The following LBP variants were observed in gnomAD, a reference collection of about 807,000 sequenced individuals.
LBP encodes lipopolysaccharide-binding protein.
A neutral mutation model predicts 56.6 loss-of-function variants in LBP; 53 were observed. That is an observed-to-expected ratio of 0.94 (90% CI 0.75 to 1.18). The LOEUF (loss-of-function observed/expected upper bound fraction) is 1.18, where lower values mean the gene tolerates loss of function less well. LBP is among the 50% of genes most tolerant of loss of function. LBP has a pLI of 0.00. For missense variants in LBP, 601 were observed against 598.3 expected, an observed-to-expected ratio of 1.00 and a Z score of -0.05; for synonymous variants, 227 against 247.5, an observed-to-expected ratio of 0.92 and a Z score of 0.78.
chr20:38,346,819 G>A (rs1460972059), intron 1 of LBP, among the ~76,000 whole-genome samples, 179 bp downstream of exon 1: 1 of 152,190 alleles, frequency 6.6e-6, no homozygotes, highest in African/African-American at 2.4e-5. Flanking sequence ...GAGTGCCCTG[G>A]GCATGTTATT....
chr20:38,374,839 A>G (rs2076912622), intron 14 of LBP, among the ~76,000 whole-genome samples: 2 of 144,652 alleles, frequency 1.4e-5, no homozygotes, highest in Non-Finnish European at 3.0e-5. Context: ...GCTGGAGTGC[A>G]GTGGTGCGAT....
rs1170058556 is a variant in LBP, at chr20:38,365,696, CAAAAAA to C, written c.921+961_921+966del. Reference sequence around the variant, plus strand: ...TGGGCAACAGAGTGAGACTGCATCTCAAAAAAAAAAAAAAAAAAAAAATATATATAT... The same window carrying C: ...TGGGCAACAGAGTGAGACTGCATCTCAAAAAAAAAAAAAAAATATATATAT... On this transcript the variant is annotated intron_variant, in intron 8 of 14. Coordinates refer to ENST00000217407, the MANE Select transcript of LBP (RefSeq NM_004139.5). Among the ~76,000 whole-genome samples the C allele has an allele frequency of 6.0e-3, 620 of 103,658 alleles. 1 individual carries two copies. Among genetic ancestry groups the C allele is most frequent in the Non-Finnish European group, 8.6e-3 (454 of 52,582 alleles). The allele number at this position is 103,658 out of a possible 152,430, so 68.0% of individuals were successfully genotyped here. A position where few individuals can be genotyped will look rare whatever the true frequency, so the allele number is the denominator to read the frequency against.
intron 7 of LBP, 72 bp downstream of exon 7, chr20:38,364,138 C>T: frequency 9.9e-7 from 1 of 1,005,150 alleles, no homozygotes; most frequent in South Asian, 1.3e-5. Flanking sequence ...GGCCACCTGT[C>T]CCCCCAACTT....
At chr20:38,372,946 T>C in intron 12 of LBP, 126 bp from the exon 13 acceptor site, 1 of 780,996 alleles carries the variant, frequency 1.3e-6, no homozygotes, top group Admixed American at 2.4e-5. Context: ...AAGAGTTTTA[T>C]CTTATAAAAT....
Position 38,346,507 on chromosome 20 carries a change from G to T in LBP, c.-10G>T, listed in dbSNP as rs774144309. ...GGGACAGTCCTGGCCCACTGCACTG[G>T]GAATCTAGGATGGGGGCCTTGGCCA... On this transcript the variant is annotated 5_prime_UTR_variant, in exon 1 of 15. Transcript: ENST00000217407. 2 of 1,613,434 alleles carry T rather than the reference G, an allele frequency of 1.2e-6. No homozygotes were observed. The highest frequency in any genetic ancestry group is 1.7e-6 in the Non-Finnish European group (2 of 1,179,874).
intron 9 of LBP, among the ~76,000 whole-genome samples, chr20:38,368,047 A>AAAAG (rs559104819): frequency 0.015 from 2,322 of 152,100 alleles, 47 homozygotes; most frequent in African/African-American, 0.049. Flanking sequence ...GAAAAGTTAA[A>AAAAG]AAAGAAAGAA....
rs191571978 is a variant in LBP, at chr20:38,368,371, G to A, written c.982-624G>A. ...TCCCAGCACTTTGGGAGGCTGAGGCGGGCAGATCACCTGAGGTCAGGAGTT... is the reference window on the plus strand; with the variant it reads ...TCCCAGCACTTTGGGAGGCTGAGGCAGGCAGATCACCTGAGGTCAGGAGTT... On this transcript the variant is annotated intron_variant, in intron 9 of 14. Coordinates refer to ENST00000217407, the MANE Select transcript of LBP (RefSeq NM_004139.5). 1.9e-4 allele frequency among the ~76,000 whole-genome samples: 29 copies of A among 152,208 alleles called. 1 individual carries two copies. In the South Asian group the frequency reaches 5.0e-3, roughly 26 times the overall value.
intron 6 of LBP, 56 bp from the exon 7 acceptor site, chr20:38,363,919 C>G: frequency 7.7e-7 from 1 of 1,292,878 alleles, no homozygotes; most frequent in South Asian, 1.2e-5. Flanking sequence ...CTTGCCCCTC[C>G]TCCAGCAGCT....
At chr20:38,370,526 A>G (rs1206624249) in intron 10 of LBP, among the ~76,000 whole-genome samples, 1 of 152,174 alleles carries the variant, frequency 6.6e-6, no homozygotes, top group East Asian at 1.9e-4. Context: ...AACATAAACA[A>G]CAATTTCAAG....
intron 9 of LBP, among the ~76,000 whole-genome samples, chr20:38,368,239 T>G (rs1039473951): frequency 2.6e-5 from 4 of 151,332 alleles, no homozygotes; most frequent in African/African-American, 9.7e-5. Context: ...TTGGGAGAGG[T>G]AGGGAGGGAG....
intron 6 of LBP, among the ~76,000 whole-genome samples, chr20:38,362,128 G>A (rs1167420244): frequency 6.9e-6 from 1 of 145,178 alleles, no homozygotes; most frequent in Non-Finnish European, 1.5e-5. Flanking sequence ...GCGCAATCTC[G>A]GCTCACTGCA....
At chr20:38,360,419 A>G (rs1474411341) in intron 5 of LBP, among the ~76,000 whole-genome samples, 4 of 152,216 alleles carry the variant, frequency 2.6e-5, no homozygotes, top group Admixed American at 2.6e-4. Flanking sequence ...CACTGTCTCC[A>G]GCCAGTGCCC....
intron 6 of LBP, 96 bp from the exon 7 acceptor site, chr20:38,363,879 A>G (rs1370670870): frequency 1.2e-6 from 1 of 851,928 alleles, no homozygotes; most frequent in African/African-American, 1.7e-5. Context: ...TTCTGAAGAA[A>G]GTCACAGGGA....
intron 10 of LBP, among the ~76,000 whole-genome samples, chr20:38,369,395 G>C (rs2076893879): frequency 6.6e-6 from 1 of 152,122 alleles, no homozygotes; most frequent in African/African-American, 2.4e-5. Context: ...TTACTACAAA[G>C]ATACTTTGTA....
At position 38,364,703 on chromosome 20, in the gene LBP, T is replaced by C. The variant is rs2076874639; in HGVS notation, c.872T>C (p.Leu291Pro). The C allele has an allele frequency of 6.2e-7, 1 of 1,613,878 alleles. No homozygotes were observed. The highest frequency in any genetic ancestry group is 1.3e-5 in the African/African-American group (1 of 74,924). Residue 291 changes from leucine (L) to proline (P), a missense_variant, in exon 8 of 15, where the codon CTG (leucine) becomes CCG (proline). Physicochemically the swap from Leu to Pro is moderately conservative, Grantham distance 98 (BLOSUM62 -3). Transcript: ENST00000217407. The stretch of plus-strand genomic sequence containing the variant: ...GATTATGTCTTCAACACGGCCAGCC[T>C]GGTTTATCATGAGGAAGGATATCTG... ...ISDYVFNTAS[L>P]VYHEEGYLNF...
At chr20:38,362,791 T>C (rs1237677180) in intron 6 of LBP, among the ~76,000 whole-genome samples, 1 of 151,648 alleles carries the variant, frequency 6.6e-6, no homozygotes, top group African/African-American at 2.4e-5. Flanking sequence ...CTACAATAAA[T>C]ACAAAAATTA....
intron 14 of LBP, 138 bp downstream of exon 14, chr20:38,374,151 T>C (rs2076910081): frequency 1.3e-6 from 1 of 790,082 alleles, no homozygotes; most frequent in Admixed American, 2.4e-5. Flanking sequence ...GGACGGGTGC[T>C]CCTGGGCCTT....
At chr20:38,374,426 A>G (rs6069931) in intron 14 of LBP, among the ~76,000 whole-genome samples, 18,544 of 151,848 alleles carry the variant, frequency 0.12, 1,437 homozygotes, top group African/African-American at 0.22. Flanking sequence ...GTGAAACCCC[A>G]TCTCTATTAA....
chr20:38,369,342 GC>G (rs1390791722), intron 10 of LBP, among the ~76,000 whole-genome samples, 180 bp downstream of exon 10: 1 of 152,016 alleles, frequency 6.6e-6, no homozygotes, highest in African/African-American at 2.4e-5. Context: ...TACGCCCCTT[GC>G]CACTTTTTCT....
Sources: gnomAD v4.1 joint callset for allele counts (sites outside exome capture counted in the v4.1 genomes callset) on GRCh38, gnomAD v4.1.1 for gene constraint, MANE v1.5 for transcripts, NCBI Gene and HGNC (gene_info 2026-07-23, HGNC 2026-07-21) for gene names.